The following MAPK12 variants were observed in gnomAD, a reference collection of about 807,000 sequenced individuals.
MAPK12 encodes MAP kinase 12.
MAPK12 carries 49 observed loss-of-function variants against 49.1 expected under a neutral mutation model. The observed-to-expected ratio is 1.00, with a 90% CI of 0.79 to 1.27. The LOEUF is 1.27. Ranked by LOEUF, MAPK12 falls within the 50% of genes most tolerant of loss-of-function variation. MAPK12 has a pLI of 0.00. For synonymous variants in MAPK12, 251 were observed against 209.7 expected (o/e 1.20, Z -1.70); for missense variants, 554 against 502.4 (o/e 1.10, Z -0.98).
At chr22:50,256,043 T>C (rs771807624) in intron 7 of MAPK12, 42 bp downstream of exon 7, 43 of 1,564,332 alleles carry the variant, frequency 2.7e-5, no homozygotes, top group Admixed American at 1.5e-4. Context: ...GAGAAGCAGA[T>C]GGTGCAGCCT....
At chr22:50,257,274 G>C in intron 3 of MAPK12, 81 bp from the exon 4 acceptor site, 2 of 1,115,412 alleles carry the variant, frequency 1.8e-6, no homozygotes, top group Non-Finnish European at 2.7e-6. Flanking sequence ...CCCAGGCTCA[G>C]ACCCGTCCCG....
chr22:50,253,487 GGGGT>G lies in MAPK12; in HGVS notation c.1025-11_1025-8del. On this transcript the variant is annotated splice_region_variant and splice_polypyrimidine_tract_variant and intron_variant, in intron 11 of 11. Coordinates refer to ENST00000215659, the MANE Select transcript of MAPK12 (RefSeq NM_002969.6). Reference sequence around the variant, plus strand: ...ACCTCTTTGTAAGTAACACCTGGCGGGGGTGGGGGGGCGGGCACAACAGAGAGGG... The same window carrying G: ...ACCTCTTTGTAAGTAACACCTGGCGGGGGGGGGCGGGCACAACAGAGAGGG... 2.0e-6 allele frequency: 2 copies of G among 989,332 alleles called. No homozygotes were observed. Among genetic ancestry groups the G allele is most frequent in the South Asian group, 1.4e-5 (1 of 73,152 alleles). 61.3% of individuals were successfully genotyped at this position (989,332 alleles called of 1,614,324 possible).
At chr22:50,261,112 A>T in intron 2 of MAPK12, 55 bp downstream of exon 2, 2 of 1,492,730 alleles carry the variant, frequency 1.3e-6, no homozygotes, top group Non-Finnish European at 1.8e-6. Flanking sequence ...AACCCAGCCC[A>T]GCTGAACCAA....
At chr22:50,256,043 T>G (rs771807624) in intron 7 of MAPK12, 42 bp downstream of exon 7, 3 of 1,564,334 alleles carry the variant, frequency 1.9e-6, no homozygotes, top group Non-Finnish European at 2.6e-6. Context: ...GAGAAGCAGA[T>G]GGTGCAGCCT....
At position 50,253,463 on chromosome 22, in the gene MAPK12, C is replaced by A. The variant is rs2065118743; in HGVS notation, c.1042G>T (p.Val348Leu). The A allele has an allele frequency of 1.4e-6, 2 of 1,412,452 alleles. No individual in the cohort carries two copies. The highest frequency in any genetic ancestry group is 1.9e-6 in the Non-Finnish European group (2 of 1,053,108). The allele number at this position is 1,412,452 out of a possible 1,614,324, so 87.5% of individuals were successfully genotyped here. A position where few individuals can be genotyped will look rare whatever the true frequency, so the allele number is the denominator to read the frequency against. ...TGCCGGGGAGGCTTGAAGCTGAGCA[C>A]CTCTTTGTAAGTAACACCTGGCGGG... ...DEWKRVTYKE[V>L]LSFKPPRQLG... The change falls in exon 12 of 12, where the codon GTG (valine) becomes TTG (leucine). Residue 348 changes from valine to leucine, a missense_variant. Val to Leu is a conservative substitution (Grantham distance 32). Coordinates refer to ENST00000215659, the MANE Select transcript of MAPK12 (RefSeq NM_002969.6).
Position 50,253,429 on chromosome 22 carries a change from GC to G in MAPK12, c.1075del (p.Ala359ProfsTer19), listed in dbSNP as rs1184072475. The G allele has an allele frequency of 7.0e-7, 1 of 1,424,782 alleles. No homozygotes were observed. The highest frequency in any genetic ancestry group is 9.3e-7 in the Non-Finnish European group (1 of 1,074,110). The allele number at this position is 1,424,782 out of a possible 1,614,324, so 88.3% of individuals were successfully genotyped here. Reference sequence around the variant, plus strand: ...CAGAGGCGTCTCCTTGGAGACCCTGGCCCCCAGCTGCCGGGGAGGCTTGAAG... The same window carrying G: ...CAGAGGCGTCTCCTTGGAGACCCTGGCCCCAGCTGCCGGGGAGGCTTGAAG... ...LSFKPPRQLGARVSKETPL is the reference protein window; with the variant it reads ...LSFKPPRQLGXRVSKETPL On this transcript the variant is annotated frameshift_variant, in exon 12 of 12. Coordinates refer to ENST00000215659, the MANE Select transcript of MAPK12 (RefSeq NM_002969.6). LOFTEE classifies it high-confidence loss of function.
rs747599962 is a variant in MAPK12, at chr22:50,256,591, G to A, written c.504+8C>T. The A allele has an allele frequency of 3.1e-5, 50 of 1,611,022 alleles. No homozygotes were observed. The highest frequency in any genetic ancestry group is 3.7e-5 in the Non-Finnish European group (44 of 1,178,788). Reference sequence around the variant, plus strand: ...CCACCTCAGGGCCCCCTGCCAGGCAGCACACACCTTCAGCTCACAGTCTTC... The same window carrying A: ...CCACCTCAGGGCCCCCTGCCAGGCAACACACACCTTCAGCTCACAGTCTTC... On this transcript the variant is annotated splice_region_variant and intron_variant, in intron 6 of 11. Transcript: ENST00000215659.
rs1167680186 is a variant in MAPK12 at position 50,256,143 on chromosome 22, C to A, written c.561G>T (p.Val187=). The change falls in exon 7 of 12, where the codon GTG becomes GTT. Residue 187 remains valine, a synonymous_variant. Transcript: ENST00000215659. ...QADSEMTGYV[V]TRWYRAPEVI... is the part of the protein sequence containing the mutation. ...CCTCGGGAGCCCGGTACCACCGGGTCACCACGTACCCAGTCATCTCACTGT... is the reference window on the plus strand; with the variant it reads ...CCTCGGGAGCCCGGTACCACCGGGTAACCACGTACCCAGTCATCTCACTGT... 4 of 1,612,794 alleles carry A rather than the reference C, an allele frequency of 2.5e-6. No homozygotes were observed. The East Asian group carries it at 6.7e-5, about 27-fold the overall frequency.
At chr22:50,257,426 C>T (rs1053016538) in intron 3 of MAPK12, 2 of 576,596 alleles carry the variant, frequency 3.5e-6, no homozygotes, top group African/African-American at 3.7e-5. Flanking sequence ...CCCCCTCCCA[C>T]CCTGAGGACT....
intron 6 of MAPK12, 47 bp downstream of exon 6, chr22:50,256,552 A>AG: frequency 6.3e-7 from 1 of 1,593,082 alleles, no homozygotes; most frequent in Non-Finnish European, 8.5e-7. Context: ...GCAGATCCAG[A>AG]GGGGGCCCCT....
chr22:50,257,205 GC>G lies in MAPK12; in HGVS notation c.315-13del. 1 of 1,603,384 alleles carries G rather than the reference GC, an allele frequency of 6.2e-7. No homozygotes were observed. Among genetic ancestry groups the G allele is most frequent in the Non-Finnish European group, 8.5e-7 (1 of 1,172,354 alleles). On this transcript the variant is annotated splice_polypyrimidine_tract_variant and intron_variant, in intron 3 of 11. Coordinates refer to ENST00000215659, the MANE Select transcript of MAPK12 (RefSeq NM_002969.6). ...GCATCACCAGGTAACTGTGGGAGGG[GC>G]CGGAGCGCTGTCAGCGGACAGAGCC...
rs1014133230 is a variant in MAPK12, at chr22:50,257,798, C to T, written c.314+445G>A. The T allele has an allele frequency of 5.5e-5, 39 of 712,048 alleles. No homozygotes were observed. The Middle Eastern group carries it at 1.1e-3, about 19-fold the overall frequency. The allele number at this position is 712,048 out of a possible 1,614,324, so 44.1% of individuals were successfully genotyped here. Reference sequence around the variant, plus strand: ...CTCGGCCTGGCCCTTCACTCTTGGCCGACAGGGTGTGAGTCCCAGGGTGGT... The same window carrying T: ...CTCGGCCTGGCCCTTCACTCTTGGCTGACAGGGTGTGAGTCCCAGGGTGGT... On this transcript the variant is annotated intron_variant, in intron 3 of 11. Transcript: ENST00000215659.
chr22:50,261,069 A>C, intron 2 of MAPK12, 98 bp downstream of exon 2: 1 of 1,319,420 alleles, frequency 7.6e-7, no homozygotes, highest in Non-Finnish European at 9.9e-7. Context: ...GCCCCACAGC[A>C]GGCTGCCTGG....
chr22:50,261,143 C>T (rs371194922), intron 2 of MAPK12, 24 bp downstream of exon 2: 41 of 1,561,618 alleles, frequency 2.6e-5, no homozygotes, highest in Middle Eastern at 1.8e-4. Context: ...CGGCGCCTTC[C>T]CGGAGCGGGG....
chr22:50,258,690 C>T (rs742184), intron 2 of MAPK12, among the ~76,000 whole-genome samples: 39,675 of 152,256 alleles, frequency 0.26, 5,643 homozygotes, highest in South Asian at 0.39. Flanking sequence ...GGAAAGAGGC[C>T]AGGCCTCTGC....
chr22:50,254,942 C>G, intron 11 of MAPK12: 1 of 1,379,022 alleles, frequency 7.3e-7, no homozygotes, highest in Non-Finnish European at 9.4e-7. Flanking sequence ...TCATCTCCAC[C>G]AGGCCACACG....
chr22:50,258,530 T>C (rs1039399653), intron 2 of MAPK12, among the ~76,000 whole-genome samples: 1 of 152,170 alleles, frequency 6.6e-6, no homozygotes, highest in Non-Finnish European at 1.5e-5. Context: ...AAGGTTATTT[T>C]TGGACGGTGA....
In MAPK12 at chr22:50,257,244, C is replaced by A. The variant is rs142903546; in HGVS notation, c.315-51G>T. On this transcript the variant is annotated intron_variant, in intron 3 of 11. Coordinates refer to ENST00000215659, the MANE Select transcript of MAPK12 (RefSeq NM_002969.6). Reference sequence around the variant, plus strand: ...AGCGGACAGAGCCAGCCTCTGCATCCCAGAGACCCACCCAGCAGGCCCAGG... The same window carrying A: ...AGCGGACAGAGCCAGCCTCTGCATCACAGAGACCCACCCAGCAGGCCCAGG... 2,730 of 1,456,438 alleles carry A rather than the reference C, an allele frequency of 1.9e-3. 61 individuals carry two copies. The East Asian group carries it at 0.039, about 21-fold the overall frequency. The allele number at this position is 1,456,438 out of a possible 1,614,324, so 90.2% of individuals were successfully genotyped here.
intron 4 of MAPK12, 29 bp from the exon 5 acceptor site, chr22:50,256,993 T>C: frequency 6.2e-7 from 1 of 1,605,502 alleles, no homozygotes. Flanking sequence ...TTGGCAGGCT[T>C]CAGCGCACCC....
Sources: allele counts gnomAD v4.1 joint callset (sites outside exome capture counted in the v4.1 genomes callset), GRCh38; gene constraint gnomAD v4.1.1; transcripts MANE v1.5; gene names NCBI Gene and HGNC (gene_info 2026-07-23, HGNC 2026-07-21).